Variants in GPC6 observed in about 807,000 individuals in gnomAD.
GPC6 encodes the protein glypican 6.
A neutral mutation model predicts 55.2 loss-of-function variants in GPC6; 14 were observed. The ratio of observed to expected loss-of-function variants is 0.25; its 90% CI spans 0.17 to 0.40. The LOEUF (loss-of-function observed/expected upper bound fraction) is 0.40. Among genes scored for constraint, GPC6 ranks in the 10% least tolerant of loss-of-function variants. The pLI, the probability that GPC6 is intolerant of heterozygous loss-of-function variation, is 1.00. For synonymous variants in GPC6, 278 were observed against 259.6 expected (o/e 1.07, Z -0.68); for missense variants, 641 against 708.5 (o/e 0.90, Z 1.08).
At chr13:93,320,761 C>A (rs1160675897) in intron 1 of GPC6, among the ~76,000 whole-genome samples, 1 of 151,968 alleles carries the variant, frequency 6.6e-6, no homozygotes, top group Non-Finnish European at 1.5e-5. Context: ...TATTAAACTG[C>A]AAAAGAAAAT....
At position 94,119,048 on chromosome 13, in the gene GPC6, A is replaced by G. The variant is rs112018693; in HGVS notation, c.877+91154A>G. ...TGTACACTTGCATATATGTATGTGT[A>G]TATATATATACATTTAAAATTACAA... On this transcript the variant is annotated intron_variant, in intron 4 of 8. Transcript: ENST00000377047. 9.1e-3 allele frequency among the ~76,000 whole-genome samples: 1,385 copies of G among 151,936 alleles called. 16 individuals are homozygous for G. Among genetic ancestry groups the G allele is most frequent in the African/African-American group, 0.03 (1,246 of 41,460 alleles).
rs555139021 is a variant in GPC6 at position 93,880,982 on chromosome 13, C to T, written c.711+50437C>T. On this transcript the variant is annotated intron_variant, in intron 3 of 8. Coordinates refer to ENST00000377047, the MANE Select transcript of GPC6 (RefSeq NM_005708.5). ...AAGAGGTCAACAGTATAAAAATCCA[C>T]GGCTCTCTAACCCCGTATTCTTTTC... 9.2e-5 allele frequency among the ~76,000 whole-genome samples: 14 copies of T among 152,046 alleles called. No homozygotes were observed. The South Asian group carries it at 2.3e-3, about 25-fold the overall frequency.
intron 1 of GPC6, among the ~76,000 whole-genome samples, chr13:93,248,153 G>A (rs1876665050): frequency 6.6e-6 from 1 of 152,228 alleles, no homozygotes; most frequent in Admixed American, 6.5e-5. Flanking sequence ...AAGGTTTCCA[G>A]TATAACAAAG....
At chr13:93,807,085 C>G (rs1886564599) in intron 2 of GPC6, among the ~76,000 whole-genome samples, 1 of 152,114 alleles carries the variant, frequency 6.6e-6, no homozygotes, top group Admixed American at 6.5e-5. Context: ...CTTTTTTCAG[C>G]AAACTTTTGA....
chr13:94,258,165 G>A (rs1891557489), intron 4 of GPC6, among the ~76,000 whole-genome samples: 2 of 152,106 alleles, frequency 1.3e-5, no homozygotes, highest in South Asian at 4.2e-4. Flanking sequence ...GTCATAGTTA[G>A]CAAATATTTG....
At chr13:94,003,958 T>G (rs1881913781) in intron 3 of GPC6, among the ~76,000 whole-genome samples, 1 of 152,192 alleles carries the variant, frequency 6.6e-6, no homozygotes, top group East Asian at 1.9e-4. Flanking sequence ...AAACTATATT[T>G]TACTGCTAAT....
At chr13:93,938,968 G>A (rs918578773) in intron 3 of GPC6, among the ~76,000 whole-genome samples, 1 of 152,052 alleles carries the variant, frequency 6.6e-6, no homozygotes, top group African/African-American at 2.4e-5. Context: ...TGTGCGTGGT[G>A]ACACGTGCCT....
Position 93,447,419 on chromosome 13 carries a change from C to A in GPC6, c.161-97844C>A, listed in dbSNP as rs1220505423. The stretch of plus-strand genomic sequence containing the variant: ...CACAGAAGTTTTTTAGAGTAAAATA[C>A]CTTCTTCCACAGATTGGTTTGGCAC... On this transcript the variant is annotated intron_variant, in intron 1 of 8. Coordinates refer to ENST00000377047, the MANE Select transcript of GPC6 (RefSeq NM_005708.5). Among the ~76,000 whole-genome samples the A allele has an allele frequency of 2.6e-5, 4 of 152,068 alleles. 1 individual carries two copies. In the South Asian group the frequency reaches 8.3e-4, roughly 32 times the overall value.
At chr13:93,753,689 G>GT (rs2138866168) in intron 2 of GPC6, among the ~76,000 whole-genome samples, 1 of 152,160 alleles carries the variant, frequency 6.6e-6, no homozygotes, top group Non-Finnish European at 1.5e-5. Flanking sequence ...ATCTTCCTAT[G>GT]TTTTTTGTGC....
chr13:94,386,284 T>C (rs1594230622), intron 7 of GPC6, among the ~76,000 whole-genome samples: 1 of 150,964 alleles, frequency 6.6e-6, no homozygotes, highest in Non-Finnish European at 1.5e-5. Flanking sequence ...GGCATGAGCC[T>C]GGGAGGCAGA....
At chr13:93,330,037 T>C (rs918829867) in intron 1 of GPC6, among the ~76,000 whole-genome samples, 2 of 152,302 alleles carry the variant, frequency 1.3e-5, no homozygotes, top group East Asian at 1.9e-4. Context: ...TGAACAAGAA[T>C]AAAGACCAAA....
rs970445714 is a variant in GPC6, at chr13:93,255,418, A to G, written c.160+27802A>G. Among the ~76,000 whole-genome samples the G allele has an allele frequency of 4.9e-4, 74 of 152,282 alleles. 1 individual carries two copies. The highest frequency in any genetic ancestry group is 1.4e-3 in the African/African-American group (59 of 41,570). On this transcript the variant is annotated intron_variant, in intron 1 of 8. Transcript: ENST00000377047. ...AAACCATAGTCACCATACTGATCTA[A>G]CACTGTCTCTTTTTTCTATCACATT...
chr13:93,368,661 A>C (rs1881347903), intron 1 of GPC6, among the ~76,000 whole-genome samples: 1 of 151,974 alleles, frequency 6.6e-6, no homozygotes, highest in African/African-American at 2.4e-5. Flanking sequence ...TGAACCAACA[A>C]GCAGGTTACT....
Position 94,255,773 on chromosome 13 carries a change from G to A in GPC6, c.878-30576G>A, listed in dbSNP as rs140010654. ...CCTCGGAAGAACTTATCAGGAAAAG[G>A]ATTGAGACCTGGGCATCAGTTTGTA... On this transcript the variant is annotated intron_variant, in intron 4 of 8. Coordinates refer to ENST00000377047, the MANE Select transcript of GPC6 (RefSeq NM_005708.5). Among the ~76,000 whole-genome samples, 639 of 152,252 alleles carry A rather than the reference G, an allele frequency of 4.2e-3. 8 individuals are homozygous for A. The highest frequency in any genetic ancestry group is 0.015 in the African/African-American group (608 of 41,538).
intron 1 of GPC6, among the ~76,000 whole-genome samples, chr13:93,374,465 G>A (rs996242400): frequency 9.9e-5 from 15 of 152,060 alleles, no homozygotes; most frequent in Non-Finnish European, 1.9e-4. Flanking sequence ...TACCCTGTGC[G>A]GGCAGTGTGG....
At chr13:94,065,244 T>C (rs977839334) in intron 4 of GPC6, among the ~76,000 whole-genome samples, 7 of 152,300 alleles carry the variant, frequency 4.6e-5, no homozygotes, top group Admixed American at 2.6e-4. Flanking sequence ...CAGCCAACTT[T>C]TACAGTAAGG....
chr13:94,001,396 A>G (rs1321571215), intron 3 of GPC6, among the ~76,000 whole-genome samples: 1 of 152,218 alleles, frequency 6.6e-6, no homozygotes, highest in Non-Finnish European at 1.5e-5. Context: ...TTGCATTTTT[A>G]CAATTATAAA....
intron 3 of GPC6, among the ~76,000 whole-genome samples, chr13:93,997,456 G>T (rs2140421145): frequency 6.6e-6 from 1 of 152,170 alleles, no homozygotes; most frequent in East Asian, 1.9e-4. Context: ...GGAAACTGAG[G>T]GCTGCTCTGC....
At chr13:93,961,314 C>T (rs1566623926) in intron 3 of GPC6, among the ~76,000 whole-genome samples, 1 of 152,204 alleles carries the variant, frequency 6.6e-6, no homozygotes, top group Non-Finnish European at 1.5e-5. Context: ...AAATTCTGCA[C>T]ATGAGGCAAC....
Sources: gnomAD v4.1 joint callset for allele counts (sites outside exome capture counted in the v4.1 genomes callset) on GRCh38, gnomAD v4.1.1 for gene constraint, MANE v1.5 for transcripts, NCBI Gene and HGNC (gene_info 2026-07-23, HGNC 2026-07-21) for gene names.